The following NTM variants were observed in gnomAD, a reference collection of about 807,000 sequenced individuals.
NTM encodes the protein IgLON family member 2.
NTM carries 13 observed loss-of-function variants against 42.1 expected under a neutral mutation model. The ratio of observed to expected loss-of-function variants is 0.31; its 90% CI spans 0.20 to 0.49. The LOEUF is 0.49. Ranked by LOEUF, NTM falls within the 20% of genes least tolerant of loss-of-function variation. NTM has a pLI of 0.99. For missense variants in NTM, 373 were observed against 452.8 expected (o/e 0.82, Z 1.60); for synonymous variants, 187 against 179.2 (o/e 1.04, Z -0.35).
chr11:131,631,794 G>C (rs1271036456), intron 1 of NTM, among the ~76,000 whole-genome samples: 1 of 152,138 alleles, frequency 6.6e-6, no homozygotes, highest in East Asian at 1.9e-4. Flanking sequence ...GTATCTTTCA[G>C]GCAACTCGGC....
intron 1 of NTM, among the ~76,000 whole-genome samples, chr11:131,762,737 G>A (rs1413784541): frequency 6.6e-6 from 1 of 152,204 alleles, no homozygotes; most frequent in Non-Finnish European, 1.5e-5. Flanking sequence ...TCTATTCCCA[G>A]ACTCCCAGGT....
intron 2 of NTM, among the ~76,000 whole-genome samples, chr11:132,085,740 G>A (rs774830827): frequency 6.6e-6 from 1 of 152,022 alleles, no homozygotes; most frequent in Non-Finnish European, 1.5e-5. Flanking sequence ...AGAAGATTCA[G>A]TTGTTACAAG....
At position 131,735,835 on chromosome 11, in the gene NTM, G is replaced by GGGGTGTGTGTGT. The variant is rs1491265028; in HGVS notation, c.83-175728_83-175727insGGTGTGTGTGTG. On this transcript the variant is annotated intron_variant, in intron 1 of 8. Coordinates refer to ENST00000683400, the MANE Select transcript of NTM (RefSeq NM_001352005.2). ...CCGTTCCTTAGATTTCCATTCATAA[G>GGGGTGTGTGTGT]GTGTGTGTGTGTGTGTGTGTGTGTG... Among the ~76,000 whole-genome samples, 233 of 121,370 alleles carry GGGGTGTGTGTGT rather than the reference G, an allele frequency of 1.9e-3. 2 individuals are homozygous for GGGGTGTGTGTGT. The highest frequency in any genetic ancestry group is 5.5e-3 in the African/African-American group (207 of 37,500). 79.6% of individuals were successfully genotyped at this position (121,370 alleles called of 152,430 possible).
intron 4 of NTM, among the ~76,000 whole-genome samples, chr11:132,247,804 C>G (rs907406645): frequency 1.1e-4 from 16 of 152,148 alleles, no homozygotes; most frequent in Admixed American, 3.9e-4. Context: ...CTATCCCTGT[C>G]TCTTTTCTAC....
At chr11:131,978,426 C>A (rs1321860771) in intron 2 of NTM, among the ~76,000 whole-genome samples, 1 of 152,104 alleles carries the variant, frequency 6.6e-6, no homozygotes, top group African/African-American at 2.4e-5. Flanking sequence ...TTCTTTTGAA[C>A]AAATCTTACT....
chr11:131,796,221 T>C lies in NTM; in HGVS notation c.83-115343T>C, dbSNP rs140227171. 21 of 957,550 alleles carry C rather than the reference T, an allele frequency of 2.2e-5. No homozygotes were observed. The East Asian group carries it at 2.3e-3, about 106-fold the overall frequency. 59.3% of individuals were successfully genotyped at this position (957,550 alleles called of 1,614,324 possible). A position where few individuals can be genotyped will look rare whatever the true frequency, so the allele number is the denominator to read the frequency against. ...TAAGGTGGTCAGAAACTAGAACCTG[T>C]ACCTGTGGAAGAGGCCATGCACAGG... On this transcript the variant is annotated intron_variant, in intron 1 of 8. Coordinates refer to ENST00000683400, the MANE Select transcript of NTM (RefSeq NM_001352005.2).
chr11:132,088,945 C>A (rs1446760724), intron 2 of NTM, among the ~76,000 whole-genome samples: 1 of 151,914 alleles, frequency 6.6e-6, no homozygotes, highest in Non-Finnish European at 1.5e-5. Flanking sequence ...CAAAAAGAAG[C>A]CAGAAACAGC....
intron 3 of NTM, among the ~76,000 whole-genome samples, chr11:132,209,513 A>G (rs992333392): frequency 6.6e-6 from 1 of 152,264 alleles, no homozygotes; most frequent in Non-Finnish European, 1.5e-5. Flanking sequence ...TCTGTGTAAC[A>G]TACCCTATTT....
At chr11:131,825,217 A>G (rs1354309781) in intron 1 of NTM, among the ~76,000 whole-genome samples, 1 of 152,160 alleles carries the variant, frequency 6.6e-6, no homozygotes, top group Admixed American at 6.6e-5. Flanking sequence ...ATCTGTGCCC[A>G]AATCTCCCCT....
intron 1 of NTM, among the ~76,000 whole-genome samples, chr11:131,442,477 T>A (rs1256615454): frequency 6.6e-6 from 1 of 152,164 alleles, no homozygotes; most frequent in Non-Finnish European, 1.5e-5. Flanking sequence ...CATGGGTATA[T>A]TACATAATGA....
intron 8 of NTM, among the ~76,000 whole-genome samples, 161 bp downstream of exon 8, chr11:132,330,346 C>T (rs558356224): frequency 6.6e-6 from 1 of 152,196 alleles, no homozygotes; most frequent in Non-Finnish European, 1.5e-5. Context: ...TTTAGATTAA[C>T]CCCATCCTCA....
intron 1 of NTM, among the ~76,000 whole-genome samples, chr11:131,608,878 G>A (rs940505441): frequency 3.3e-5 from 5 of 152,164 alleles, no homozygotes; most frequent in Non-Finnish European, 7.3e-5. Flanking sequence ...GTGAGTTGAC[G>A]ATGGAGTCAT....
chr11:131,804,318 AT>A (rs1329399795), intron 1 of NTM, among the ~76,000 whole-genome samples: 1 of 152,146 alleles, frequency 6.6e-6, no homozygotes, highest in African/African-American at 2.4e-5. Flanking sequence ...AGTCCAGCTT[AT>A]TTATTGAGGC....
chr11:131,432,771 A>ATG (rs1303387203), intron 1 of NTM, among the ~76,000 whole-genome samples: 1 of 149,804 alleles, frequency 6.7e-6, no homozygotes, highest in Non-Finnish European at 1.5e-5. Context: ...TTTCTCAGTA[A>ATG]TGTGTTTATA....
chr11:131,480,174 T>A (rs1460202115), intron 1 of NTM, among the ~76,000 whole-genome samples: 1 of 150,294 alleles, frequency 6.7e-6, no homozygotes, highest in Non-Finnish European at 1.5e-5. Context: ...TCGTACTGAG[T>A]CAAGTGCTTC....
At chr11:131,551,500 C>T (rs545463992) in intron 1 of NTM, among the ~76,000 whole-genome samples, 1 of 151,660 alleles carries the variant, frequency 6.6e-6, no homozygotes, top group South Asian at 2.1e-4. Flanking sequence ...TCTCAGTGTA[C>T]ACAGAGACTC....
intron 2 of NTM, among the ~76,000 whole-genome samples, chr11:132,023,070 G>A (rs964577075): frequency 1.3e-5 from 2 of 152,194 alleles, no homozygotes; most frequent in African/African-American, 4.8e-5. Flanking sequence ...GAGAATACAA[G>A]GAGGACCTGG....
intron 1 of NTM, among the ~76,000 whole-genome samples, chr11:131,703,191 A>G (rs114171127): frequency 0.017 from 2,559 of 152,322 alleles, 76 homozygotes; most frequent in African/African-American, 0.058. Context: ...TGTGTTGTAT[A>G]TTTCAAAATA....
chr11:132,310,913 G>A (rs1451582215), intron 6 of NTM, among the ~76,000 whole-genome samples: 2 of 152,172 alleles, frequency 1.3e-5, no homozygotes, highest in Non-Finnish European at 2.9e-5. Context: ...GGCAATTGCT[G>A]TTATCAAAGA....
Sources: gnomAD v4.1 joint callset for allele counts (sites outside exome capture counted in the v4.1 genomes callset) on GRCh38, gnomAD v4.1.1 for gene constraint, MANE v1.5 for transcripts, NCBI Gene and HGNC (gene_info 2026-07-23, HGNC 2026-07-21) for gene names.